The following NELL1 variants were observed in gnomAD, a reference collection of about 807,000 sequenced individuals.
NELL1 encodes neural EGFL like 1.
A neutral mutation model predicts 107.4 loss-of-function variants in NELL1; 76 were observed. The ratio of observed to expected loss-of-function variants is 0.71; its 90% CI spans 0.59 to 0.86. The LOEUF (loss-of-function observed/expected upper bound fraction) is 0.86. Among genes scored for constraint, NELL1 ranks in the 40% least tolerant of loss-of-function variants. The pLI, the probability that NELL1 is intolerant of heterozygous loss-of-function variation, is 0.00. For missense variants in NELL1, 1,024 were observed against 1,005.5 expected, an observed-to-expected ratio of 1.02 and a Z score of -0.25; for synonymous variants, 353 against 341.2, an observed-to-expected ratio of 1.03 and a Z score of -0.38.
intron 13 of NELL1, among the ~76,000 whole-genome samples, chr11:21,184,427 G>A (rs1308839983): frequency 6.6e-6 from 1 of 151,536 alleles, no homozygotes; most frequent in Non-Finnish European, 1.5e-5. Flanking sequence ...TGCCCACCAT[G>A]ACCGGCTAAA....
chr11:20,914,861 A>C lies in NELL1; in HGVS notation c.604-3321A>C, dbSNP rs1850211116. On this transcript the variant is annotated intron_variant, in intron 5 of 19. Coordinates refer to ENST00000357134, the MANE Select transcript of NELL1 (RefSeq NM_006157.5). ...ATAAGTAGTTCTTATGGAAAGTATCAAAATGACCTCAGACAGTTTTCAAAA... is the reference window on the plus strand; with the variant it reads ...ATAAGTAGTTCTTATGGAAAGTATCCAAATGACCTCAGACAGTTTTCAAAA... Among the ~76,000 whole-genome samples the C allele has an allele frequency of 2.0e-5, 3 of 152,166 alleles. 1 individual carries two copies. In the South Asian group the frequency reaches 6.2e-4, roughly 32 times the overall value.
At chr11:21,386,281 G>C (rs1000535466) in intron 15 of NELL1, among the ~76,000 whole-genome samples, 3 of 148,634 alleles carry the variant, frequency 2.0e-5, no homozygotes, top group Admixed American at 6.9e-5. Context: ...TTCCTTTCCT[G>C]CTGGTGCCAT....
chr11:21,062,766 T>C (rs1381478106), intron 12 of NELL1, among the ~76,000 whole-genome samples: 1 of 152,170 alleles, frequency 6.6e-6, no homozygotes, highest in Non-Finnish European at 1.5e-5. Context: ...AATCACAGAA[T>C]TCAGGCAAGT....
intron 13 of NELL1, among the ~76,000 whole-genome samples, chr11:21,196,743 A>G (rs1192370445): frequency 1.3e-5 from 2 of 152,180 alleles, no homozygotes; most frequent in African/African-American, 2.4e-5. Flanking sequence ...GCTGTATTAC[A>G]GCAGGAGATT....
At chr11:20,698,674 A>G (rs1372731109) in intron 2 of NELL1, among the ~76,000 whole-genome samples, 1 of 152,144 alleles carries the variant, frequency 6.6e-6, no homozygotes. Flanking sequence ...TTTTTGGGGA[A>G]CAGGTGGTTT....
rs570101637 is a variant in NELL1 at position 21,169,551 on chromosome 11, A to G, written c.1426+55837A>G. On this transcript the variant is annotated intron_variant, in intron 13 of 19. Transcript: ENST00000357134. ...TATTTTCCTTTCAACATTAAAATAT[A>G]AGATTTGATTTGTGATTTTCTATTC... 2.0e-5 allele frequency among the ~76,000 whole-genome samples: 3 copies of G among 152,032 alleles called. No individual in the cohort carries two copies. The South Asian group carries it at 6.2e-4, about 32-fold the overall frequency.
intron 4 of NELL1, among the ~76,000 whole-genome samples, chr11:20,856,763 C>A (rs187251704): frequency 9.9e-5 from 15 of 152,182 alleles, no homozygotes; most frequent in Admixed American, 3.9e-4. Context: ...AAGCATAACA[C>A]CACGCTAAGG....
chr11:20,890,512 G>A (rs112138068), intron 5 of NELL1, among the ~76,000 whole-genome samples: 4 of 152,040 alleles, frequency 2.6e-5, no homozygotes, highest in African/African-American at 9.7e-5. Flanking sequence ...AGGATCAGAT[G>A]GACAAATTGA....
rs1244240193 is a variant in NELL1 at position 21,047,102 on chromosome 11, G to A, written c.1301-66487G>A. Among the ~76,000 whole-genome samples the A allele has an allele frequency of 5.9e-5, 9 of 152,230 alleles. No homozygotes were observed. The South Asian group carries it at 1.9e-3, about 32-fold the overall frequency. ...ATACAAGTATAGAATCACTGTTGGA[G>A]ACTGGAGGATCCCTGATAACATACC... is the stretch of plus-strand genomic sequence containing the variant. On this transcript the variant is annotated intron_variant, in intron 12 of 19. Transcript: ENST00000357134.
intron 12 of NELL1, among the ~76,000 whole-genome samples, chr11:21,047,860 C>T (rs4488194): frequency 0.33 from 49,677 of 151,928 alleles, 9,111 homozygotes; most frequent in East Asian, 0.58. Context: ...AGGATGTGAG[C>T]GAATGGACAC....
intron 2 of NELL1, among the ~76,000 whole-genome samples, chr11:20,680,786 G>T (rs1854171311): frequency 6.6e-6 from 1 of 152,066 alleles, no homozygotes; most frequent in African/African-American, 2.4e-5. Context: ...AGTTTAATCA[G>T]CTTGTTTCCT....
At chr11:20,960,637 TGAAAACTATCAC>T in intron 12 of NELL1, 77 bp downstream of exon 12, 1 of 1,517,928 alleles carries the variant, frequency 6.6e-7, no homozygotes, top group Non-Finnish European at 9.1e-7. Flanking sequence ...GGTTAAAGAG[TGAAAACTATCAC>T]TTGGCTGTGG....
At chr11:21,354,319 A>C (rs1381823412) in intron 14 of NELL1, among the ~76,000 whole-genome samples, 1 of 151,814 alleles carries the variant, frequency 6.6e-6, no homozygotes, top group Non-Finnish European at 1.5e-5. Flanking sequence ...TCTTTTCTTT[A>C]TTTATTGTTT....
At chr11:21,487,722 T>C (rs1854674483) in intron 15 of NELL1, among the ~76,000 whole-genome samples, 2 of 152,184 alleles carry the variant, frequency 1.3e-5, no homozygotes, top group African/African-American at 4.8e-5. Context: ...GCACTTAAAA[T>C]ATATAGATTG....
intron 2 of NELL1, chr11:20,773,656 C>A (rs1856684404): frequency 6.6e-6 from 1 of 152,068 alleles, no homozygotes; most frequent in Non-Finnish European, 1.5e-5. Context: ...TGCCACCAGG[C>A]CTGACTAATT....
At chr11:20,960,025 A>G (rs759357597) in intron 11 of NELL1, among the ~76,000 whole-genome samples, 1 of 152,154 alleles carries the variant, frequency 6.6e-6, no homozygotes. Context: ...GGGAGGTACA[A>G]TTAAGGAGTT....
chr11:21,370,254 G>A lies in NELL1; in HGVS notation c.1550-599G>A, dbSNP rs149523044. ...TTGGGACCAGCATTTCCACACTGAG[G>A]CATTTTTCATAAAGGAATAGTTCAG... On this transcript the variant is annotated intron_variant, in intron 14 of 19. Coordinates refer to ENST00000357134, the MANE Select transcript of NELL1 (RefSeq NM_006157.5). Among the ~76,000 whole-genome samples the A allele has an allele frequency of 5.7e-3, 866 of 152,008 alleles. 12 individuals carry two copies. Among genetic ancestry groups the A allele is most frequent in the African/African-American group, 0.02 (810 of 41,456 alleles).
intron 2 of NELL1, among the ~76,000 whole-genome samples, chr11:20,735,521 C>T (rs11025732): frequency 6.6e-6 from 1 of 151,976 alleles, no homozygotes; most frequent in African/African-American, 2.4e-5. Context: ...GGTAACTGCC[C>T]GCATGATTAA....
At chr11:21,551,988 G>C (rs1187790051) in intron 16 of NELL1, among the ~76,000 whole-genome samples, 31 of 145,708 alleles carry the variant, frequency 2.1e-4, no homozygotes, top group Non-Finnish European at 3.8e-4. Context: ...TCCTTTGTAG[G>C]GACATGGATG....
Sources: gnomAD v4.1 joint callset for allele counts (sites outside exome capture counted in the v4.1 genomes callset) on GRCh38, gnomAD v4.1.1 for gene constraint, MANE v1.5 for transcripts, NCBI Gene and HGNC (gene_info 2026-07-23, HGNC 2026-07-21) for gene names.